Variants in CTNNA2 observed in about 807,000 individuals in gnomAD.
CTNNA2 encodes catenin alpha 2.
In CTNNA2, 42 loss-of-function variants were observed where a neutral mutation model predicts 101.0. The observed-to-expected ratio is 0.42, with a 90% CI of 0.32 to 0.54. The LOEUF is 0.54. Ranked by LOEUF, CTNNA2 falls within the 20% of genes least tolerant of loss-of-function variation. The pLI, the probability that CTNNA2 is intolerant of heterozygous loss-of-function variation, is 0.14. For synonymous variants in CTNNA2, 450 were observed against 456.4 expected (o/e 0.99, Z 0.18); for missense variants, 871 against 1,223.1 (o/e 0.71, Z 4.29).
chr2:79,507,154 C>T (rs921514837), intron 5 of CTNNA2, among the ~76,000 whole-genome samples: 2 of 152,104 alleles, frequency 1.3e-5, no homozygotes, highest in Non-Finnish European at 2.9e-5. Context: ...TCAGTTTTGC[C>T]ATCTGAAAAA....
At chr2:80,032,360 G>A (rs1466134823) in intron 7 of CTNNA2, among the ~76,000 whole-genome samples, 1 of 152,162 alleles carries the variant, frequency 6.6e-6, no homozygotes, top group Non-Finnish European at 1.5e-5. Flanking sequence ...TGGCAGTTAA[G>A]GGAATAATAC....
At chr2:80,612,253 G>C (rs1183501964) in intron 17 of CTNNA2, among the ~76,000 whole-genome samples, 1 of 151,474 alleles carries the variant, frequency 6.6e-6, no homozygotes, top group African/African-American at 2.4e-5. Flanking sequence ...GTCAATTATA[G>C]TAATTCTTAT....
At chr2:80,335,063 G>C (rs1269262270) in intron 7 of CTNNA2, among the ~76,000 whole-genome samples, 1 of 152,212 alleles carries the variant, frequency 6.6e-6, no homozygotes, top group Non-Finnish European at 1.5e-5. Flanking sequence ...GGGTTAATCA[G>C]GGATGCTTTG....
chr2:79,828,365 A>G (rs1424072708), intron 3 of CTNNA2, among the ~76,000 whole-genome samples: 2 of 152,236 alleles, frequency 1.3e-5, no homozygotes, highest in East Asian at 3.8e-4. Context: ...TTTATAAGCT[A>G]GAGCAGCGCA....
chr2:80,532,462 G>A (rs548380726), intron 9 of CTNNA2, among the ~76,000 whole-genome samples: 40 of 152,216 alleles, frequency 2.6e-4, no homozygotes, highest in African/African-American at 9.4e-4. Context: ...GTATCCCAGT[G>A]CTTATGTTCA....
chr2:80,643,552 C>T (rs1468740945), intron 18 of CTNNA2, among the ~76,000 whole-genome samples: 1 of 152,074 alleles, frequency 6.6e-6, no homozygotes, highest in Admixed American at 6.6e-5. Flanking sequence ...ATATAAAAGG[C>T]CCTTAACCAG....
intron 2 of CTNNA2, among the ~76,000 whole-genome samples, chr2:79,220,982 G>C (rs141136067): frequency 1.4e-3 from 219 of 152,278 alleles, no homozygotes; most frequent in African/African-American, 5.1e-3. Flanking sequence ...TTCTCAAAAT[G>C]CTGCTTCAGT....
intron 4 of CTNNA2, among the ~76,000 whole-genome samples, chr2:79,378,726 A>C (rs913544072): frequency 2.0e-5 from 3 of 152,184 alleles, no homozygotes; most frequent in African/African-American, 7.2e-5. Flanking sequence ...TGCTTACATG[A>C]AGCAGAATGC....
intron 7 of CTNNA2, among the ~76,000 whole-genome samples, chr2:79,978,143 G>A (rs1240762453): frequency 2.6e-5 from 4 of 152,090 alleles, no homozygotes; most frequent in Non-Finnish European, 5.9e-5. Context: ...TGGAAGAGAA[G>A]GATAGTTTTA....
chr2:79,863,883 T>C (rs571825148), intron 4 of CTNNA2, among the ~76,000 whole-genome samples: 2 of 152,254 alleles, frequency 1.3e-5, no homozygotes, highest in Non-Finnish European at 2.9e-5. Context: ...AAGCTGTTCA[T>C]GGAGGGGTGT....
chr2:79,823,413 G>T (rs753517288), intron 3 of CTNNA2, among the ~76,000 whole-genome samples: 1 of 152,120 alleles, frequency 6.6e-6, no homozygotes, highest in Non-Finnish European at 1.5e-5. Context: ...AGCTACTTGG[G>T]TGACTGAGGT....
intron 6 of CTNNA2, among the ~76,000 whole-genome samples, chr2:79,876,076 G>A (rs1441776659): frequency 6.6e-6 from 1 of 152,106 alleles, no homozygotes; most frequent in Non-Finnish European, 1.5e-5. Flanking sequence ...TGAGGGACAA[G>A]TTTTACTTGT....
chr2:79,510,970 A>G (rs180708060), upstream of CTNNA2, among the ~76,000 whole-genome samples: 161 of 152,356 alleles, frequency 1.1e-3, no homozygotes, highest in Middle Eastern at 0.027. Context: ...GCCTAATTAC[A>G]ACAATACAAA....
At chr2:79,361,977 A>G (rs1677640839) in intron 3 of CTNNA2, among the ~76,000 whole-genome samples, 2 of 152,206 alleles carry the variant, frequency 1.3e-5, no homozygotes. Flanking sequence ...AGACACACCC[A>G]GAATCAATAC....
chr2:80,634,766 T>C (rs1303632478), intron 18 of CTNNA2, among the ~76,000 whole-genome samples: 1 of 152,046 alleles, frequency 6.6e-6, no homozygotes, highest in Non-Finnish European at 1.5e-5. Flanking sequence ...GATCAAGTAA[T>C]AGATATGTTT....
At chr2:79,252,983 T>A (rs1476829128) in intron 2 of CTNNA2, among the ~76,000 whole-genome samples, 1 of 152,178 alleles carries the variant, frequency 6.6e-6, no homozygotes, top group Non-Finnish European at 1.5e-5. Flanking sequence ...CATGTTAACA[T>A]TAGGGTAATA....
chr2:80,583,156 A>G (rs987171873), intron 14 of CTNNA2, among the ~76,000 whole-genome samples: 1 of 152,212 alleles, frequency 6.6e-6, no homozygotes, highest in Non-Finnish European at 1.5e-5. Flanking sequence ...TAAAATGCGA[A>G]TAACAGGGTT....
chr2:80,088,734 G>T (rs1699597524), intron 7 of CTNNA2, among the ~76,000 whole-genome samples: 3 of 151,916 alleles, frequency 2.0e-5, no homozygotes, highest in South Asian at 4.1e-4. Flanking sequence ...AAGAAAGAAG[G>T]ATTGAAAGGT....
intron 2 of CTNNA2, among the ~76,000 whole-genome samples, chr2:79,287,372 C>T (rs1675633452): frequency 6.6e-6 from 1 of 152,100 alleles, no homozygotes; most frequent in African/African-American, 2.4e-5. Flanking sequence ...TGTTTTTTCC[C>T]CATCTTTGTG....
Sources: gnomAD v4.1 joint callset for allele counts (sites outside exome capture counted in the v4.1 genomes callset) on GRCh38, gnomAD v4.1.1 for gene constraint, MANE v1.5 for transcripts, NCBI Gene and HGNC (gene_info 2026-07-23, HGNC 2026-07-21) for gene names.